Variants in EIF4A2 observed in about 807,000 individuals in gnomAD.
EIF4A2 encodes the protein eukaryotic translation initiation factor 4A2, also known as eukaryotic initiation factor 4A-II.
A neutral mutation model predicts 50.6 loss-of-function variants in EIF4A2; 9 were observed. That is an observed-to-expected ratio of 0.18 (90% CI 0.11 to 0.31). The LOEUF is 0.31. Among genes scored for constraint, EIF4A2 ranks in the 10% least tolerant of loss-of-function variants. The probability of loss-of-function intolerance (pLI) is 1.00; values close to 1 mark genes in which losing one functional copy is unlikely to be tolerated. For missense variants in EIF4A2, 182 were observed against 501.8 expected (o/e 0.36, Z 6.09); for synonymous variants, 215 against 164.4 (o/e 1.31, Z -2.35).
At position 186,784,852 on chromosome 3, in the gene EIF4A2, T is replaced by C. The variant is rs547575338; in HGVS notation, c.209-110T>C. On this transcript the variant is annotated intron_variant, in intron 3 of 10. Transcript: ENST00000323963. ...TGACCTGAAATGAAGAGAATACTCA[T>C]TGCTGATCACTTGATTATTTGGGCA... 115 of 1,601,728 alleles carry C rather than the reference T, an allele frequency of 7.2e-5. No individual in the cohort carries two copies. In the Middle Eastern group the frequency reaches 8.2e-4, roughly 11 times the overall value.
In EIF4A2 at chr3:186,787,874, T is replaced by C. The variant is rs1721834446; in HGVS notation, c.1071T>C (p.Tyr357=). 2 of 1,613,776 alleles carry C rather than the reference T, an allele frequency of 1.2e-6. No homozygotes were observed. Among genetic ancestry groups the C allele is most frequent in the Non-Finnish European group, 1.7e-6 (2 of 1,179,960 alleles). Residue 357 remains tyrosine (Y), a synonymous_variant, in exon 10 of 11, where the codon TAT becomes TAC. Coordinates refer to ENST00000323963, the MANE Select transcript of EIF4A2 (RefSeq NM_001967.4). ...NYDLPTNREN[Y]IHRIGRGGRF... The stretch of plus-strand genomic sequence containing the variant: ...ATCTACCTACCAATCGTGAAAACTA[T>C]ATTCACAGGTGAGAAGCCAGCATCT...
In EIF4A2 at chr3:186,786,279, C is replaced by T. The variant is rs1560084886; in HGVS notation, c.627+6C>T. 1.9e-6 allele frequency: 3 copies of T among 1,609,158 alleles called. No individual in the cohort carries two copies. The highest frequency in any genetic ancestry group is 1.7e-4 in the Middle Eastern group (1 of 5,904). On this transcript the variant is annotated splice_donor_region_variant and intron_variant, in intron 6 of 10. Transcript: ENST00000323963. ...AACTAAACACAAGTATTCAGGTAAG[C>T]ATTACTTCACCCCCCTCTTAAAGGT...
At chr3:186,784,110 C>T (rs932321491) in intron 1 of EIF4A2, 45 of 488,692 alleles carry the variant, frequency 9.2e-5, no homozygotes, top group African/African-American at 2.1e-4. Context: ...GTTGGCATCG[C>T]CCTCGCCAGG....
chr3:186,784,892 G>A lies in EIF4A2; in HGVS notation c.209-70G>A. On this transcript the variant is annotated intron_variant, in intron 3 of 10. Coordinates refer to ENST00000323963, the MANE Select transcript of EIF4A2 (RefSeq NM_001967.4). ...TTATTTGGGCATAATGTTCCAAATGGAATACATGGTGTGAAGTAGAAGTGA... is the reference window on the plus strand; with the variant it reads ...TTATTTGGGCATAATGTTCCAAATGAAATACATGGTGTGAAGTAGAAGTGA... 3 of 1,612,218 alleles carry A rather than the reference G, an allele frequency of 1.9e-6. No individual in the cohort carries two copies. In the Admixed American group the frequency reaches 5.0e-5, roughly 27 times the overall value.
chr3:186,784,224 C>A, intron 1 of EIF4A2: 1 of 662,126 alleles, frequency 1.5e-6, no homozygotes, highest in African/African-American at 1.8e-5. Flanking sequence ...GATCGCCATG[C>A]GCTCGGGCCT....
In EIF4A2 at chr3:186,787,267, AAG is replaced by A. The variant is rs766456656; in HGVS notation, c.909+6_909+7del. The A allele has an allele frequency of 1.9e-6, 3 of 1,614,056 alleles. No homozygotes were observed. In the East Asian group the frequency reaches 6.7e-5, roughly 36 times the overall value. On this transcript the variant is annotated splice_donor_5th_base_variant and intron_variant, in intron 8 of 10. Transcript: ENST00000323963. ...GAGACTTCACAGTTTCTGCTCTGGTAAGAGGTGTTCTAAAATGTCTGGATTTC... is the reference window on the plus strand; with the variant it reads ...GAGACTTCACAGTTTCTGCTCTGGTAAGGTGTTCTAAAATGTCTGGATTTC...
chr3:186,788,249 CTAAA>C, intron 10 of EIF4A2: 1 of 1,269,762 alleles, frequency 7.9e-7, no homozygotes, highest in South Asian at 1.3e-5. Context: ...GGCTTTATCC[CTAAA>C]TAAATTGAAT....
In EIF4A2 at chr3:186,789,112, T is replaced by C; in HGVS notation, c.1080-13T>C. On this transcript the variant is annotated splice_polypyrimidine_tract_variant and intron_variant, in intron 10 of 10. Coordinates refer to ENST00000323963, the MANE Select transcript of EIF4A2 (RefSeq NM_001967.4). ...ATGTGAGAAGTAACGTTCTGATTCT[T>C]TTTCTTACACAGAATTGGCAGAGGG... The C allele has an allele frequency of 6.2e-7, 1 of 1,611,396 alleles. No homozygotes were observed. Among genetic ancestry groups the C allele is most frequent in the Non-Finnish European group, 8.5e-7 (1 of 1,178,746 alleles).
chr3:186,783,947 C>T (rs1291293375), intron 1 of EIF4A2: 10 of 485,708 alleles, frequency 2.1e-5, no homozygotes, highest in Middle Eastern at 5.6e-4. Context: ...AGTCCGAGTT[C>T]GGTACACTGT....
chr3:186,788,151 T>C (rs894169401), intron 10 of EIF4A2: 4 of 679,132 alleles, frequency 5.9e-6, no homozygotes, highest in African/African-American at 5.5e-5. Flanking sequence ...CTTGTGTCCA[T>C]GTGTTTTTCT....
At chr3:186,785,762 AGTT>A in intron 4 of EIF4A2, 118 bp from the exon 5 acceptor site, 1 of 1,230,230 alleles carries the variant, frequency 8.1e-7, no homozygotes, top group Non-Finnish European at 1.1e-6. Flanking sequence ...GCTTGGAAGT[AGTT>A]TTGTGCTGTG....
chr3:186,785,777 A>G (rs1026337774), intron 4 of EIF4A2, 106 bp from the exon 5 acceptor site: 2 of 1,403,404 alleles, frequency 1.4e-6, no homozygotes, highest in Non-Finnish European at 1.9e-6. Context: ...TGTGCTGTGC[A>G]TGCATAAAAG....
Position 186,783,594 on chromosome 3 carries a change from G to A in EIF4A2, c.-17G>A, listed in dbSNP as rs1475876125. The A allele has an allele frequency of 6.2e-6, 10 of 1,614,194 alleles. No homozygotes were observed. The highest frequency in any genetic ancestry group is 1.1e-5 in the South Asian group (1 of 91,080). ...GCCGCTGTCTTTTCAGTCGGGCGCT[G>A]AGTGGTTTTTCGGATCATGTCTGGT... On this transcript the variant is annotated 5_prime_UTR_variant, in exon 1 of 11. Transcript: ENST00000323963.
intron 6 of EIF4A2, 107 bp from the exon 7 acceptor site, chr3:186,786,395 C>T (rs1038956161): frequency 2.1e-5 from 32 of 1,534,718 alleles, no homozygotes; most frequent in Non-Finnish European, 2.7e-5. Context: ...TGATGCATAA[C>T]TCTGTCTACC....
At chr3:186,788,212 TTGAG>T (rs1560086771) in intron 10 of EIF4A2, 3 of 1,083,494 alleles carry the variant, frequency 2.8e-6, no homozygotes, top group Non-Finnish European at 3.7e-6. Flanking sequence ...TGGTAGCAAT[TTGAG>T]TGAACCCTGG....
chr3:186,784,096 A>G (rs1721539407), intron 1 of EIF4A2: 1 of 475,312 alleles, frequency 2.1e-6, no homozygotes, highest in Admixed American at 3.7e-5. Flanking sequence ...GGTGCCGGTG[A>G]ACCGTTGGCA....
intron 4 of EIF4A2, chr3:186,785,620 GAAT>G: frequency 2.3e-6 from 1 of 433,694 alleles, no homozygotes; most frequent in Non-Finnish European, 4.1e-6. Flanking sequence ...CTACAGTGAA[GAAT>G]AATGTAGGAA....
chr3:186,784,922 TTGA>T (rs1449166354), intron 3 of EIF4A2, 37 bp from the exon 4 acceptor site: 1 of 1,614,056 alleles, frequency 6.2e-7, no homozygotes, highest in Non-Finnish European at 8.5e-7. Context: ...AAGTGACAAT[TTGA>T]TGTGGGATCG....
At chr3:186,787,945 A>T in intron 10 of EIF4A2, 63 bp downstream of exon 10, 1 of 1,521,350 alleles carries the variant, frequency 6.6e-7, no homozygotes, top group Admixed American at 1.7e-5. Context: ...TGTGATTTGT[A>T]TGAAAGGTAA....
Sources: gnomAD v4.1 joint callset for allele counts on GRCh38, gnomAD v4.1.1 for gene constraint, MANE v1.5 for transcripts, NCBI Gene and HGNC (gene_info 2026-07-23, HGNC 2026-07-21) for gene names.